The following NSD2 variants were observed in gnomAD, a reference collection of about 807,000 sequenced individuals.
NSD2 encodes the protein nuclear receptor binding SET domain protein 2.
NSD2 carries 12 observed loss-of-function variants against 139.0 expected under a neutral mutation model. The observed-to-expected ratio is 0.09, with a 90% CI of 0.06 to 0.14. NSD2 has a LOEUF of 0.14. Ranked by LOEUF, NSD2 falls within the 10% of genes least tolerant of loss-of-function variation. NSD2 has a pLI of 1.00. For synonymous variants in NSD2, 669 were observed against 648.7 expected (o/e 1.03, Z -0.48); for missense variants, 1,155 against 1,745.0 (o/e 0.66, Z 6.02).
chr4:1,888,466 C>T (rs1715285592), intron 1 of NSD2, among the ~76,000 whole-genome samples: 1 of 147,260 alleles, frequency 6.8e-6, no homozygotes. Context: ...ATCATCTGTG[C>T]ATATCCTCAG....
chr4:1,970,843 G>A (rs967984395), intron 18 of NSD2, among the ~76,000 whole-genome samples: 19 of 152,278 alleles, frequency 1.2e-4, no homozygotes, highest in South Asian at 1.2e-3. Context: ...AGGACAGGAC[G>A]GAGTCCCCAA....
In NSD2 at chr4:1,871,442, C is replaced by T. The variant is rs1713748287; in HGVS notation, c.-130C>T. On this transcript the variant is annotated 5_prime_UTR_variant, in exon 1 of 22. Coordinates refer to ENST00000508803, the MANE Select transcript of NSD2 (RefSeq NM_001042424.3). Reference sequence around the variant, plus strand: ...CTGGCCGCGCTGCGCCCGCCGCCGCCGCCGCCCCCTCCCCGCCTGGGCCCT... The same window carrying T: ...CTGGCCGCGCTGCGCCCGCCGCCGCTGCCGCCCCCTCCCCGCCTGGGCCCT... 2 of 147,530 alleles carry T rather than the reference C, an allele frequency of 1.4e-5. No individual in the cohort carries two copies. Among genetic ancestry groups the T allele is most frequent in the South Asian group, 3.6e-4 (2 of 5,528 alleles). 9.1% of individuals were successfully genotyped at this position (147,530 alleles called of 1,614,324 possible). A position where few individuals can be genotyped will look rare whatever the true frequency, so the allele number is the denominator to read the frequency against.
At position 1,956,544 on chromosome 4, in the gene NSD2, G is replaced by T. The variant is rs549234767; in HGVS notation, c.2881+356G>T. On this transcript the variant is annotated intron_variant, in intron 15 of 21. Coordinates refer to ENST00000508803, the MANE Select transcript of NSD2 (RefSeq NM_001042424.3). The surrounding 1 kb of genome is among the most constrained non-coding windows in gnomAD (Gnocchi z 5.3). ...GACCTTGTGCAGCAGGCTCTTGGGGGCTCGCTTTACCTTTCAGTGCATGAG... is the reference window on the plus strand; with the variant it reads ...GACCTTGTGCAGCAGGCTCTTGGGGTCTCGCTTTACCTTTCAGTGCATGAG... Among the ~76,000 whole-genome samples, 4 of 152,190 alleles carry T rather than the reference G, an allele frequency of 2.6e-5. No individual in the cohort carries two copies. Among genetic ancestry groups the T allele is most frequent in the Non-Finnish European group, 1.5e-5 (1 of 68,030 alleles).
intron 10 of NSD2, 111 bp downstream of exon 10, chr4:1,951,314 C>A (rs904941999): frequency 2.4e-4 from 331 of 1,397,912 alleles, no homozygotes; most frequent in Non-Finnish European, 3.0e-4. Flanking sequence ...CTTCCCCAAT[C>A]TCACCGTCAC....
intron 6 of NSD2, among the ~76,000 whole-genome samples, chr4:1,931,232 G>A (rs116160053): frequency 0.029 from 4,470 of 152,272 alleles, 105 homozygotes; most frequent in Non-Finnish European, 0.042. Context: ...ACAGGGGTCC[G>A]GAGTGTGGGC....
intron 18 of NSD2, among the ~76,000 whole-genome samples, chr4:1,962,664 C>T (rs1577554896): frequency 1.3e-5 from 2 of 151,888 alleles, no homozygotes; most frequent in African/African-American, 4.8e-5. Flanking sequence ...TTTTTTTACT[C>T]CTAGGTTTTG....
intron 5 of NSD2, among the ~76,000 whole-genome samples, chr4:1,927,312 G>C (rs970334966): frequency 6.6e-6 from 1 of 152,166 alleles, no homozygotes; most frequent in African/African-American, 2.4e-5. Context: ...AAGCAGTAGT[G>C]GGGGCTTGAG....
chr4:1,880,394 A>G (rs888341823), intron 1 of NSD2, among the ~76,000 whole-genome samples: 1 of 152,126 alleles, frequency 6.6e-6, no homozygotes, highest in African/African-American at 2.4e-5. Context: ...AGCAGTCTAT[A>G]TGTGCATGGA....
chr4:1,964,208 A>G (rs1205370106), intron 18 of NSD2, among the ~76,000 whole-genome samples: 1 of 152,178 alleles, frequency 6.6e-6, no homozygotes, highest in Non-Finnish European at 1.5e-5. Context: ...CAAGAAAAGA[A>G]TGAGATATGG....
rs778184509 is a variant in NSD2 at position 1,900,959 on chromosome 4, C to G, written c.305C>G (p.Ser102Cys). 6.2e-7 allele frequency: 1 copy of G among 1,614,146 alleles called. No homozygotes were observed. Among genetic ancestry groups the G allele is most frequent in the Non-Finnish European group, 8.5e-7 (1 of 1,180,028 alleles). The change falls in exon 2 of 22, where the codon TCC becomes TGC. Residue 102 changes from serine (S) to cysteine (C), a missense_variant. Around this residue, in one of 8 missense-constraint regions of NSD2, gnomAD observed 246 missense variants for 262.8 expected, o/e 0.94. Coordinates refer to ENST00000508803, the MANE Select transcript of NSD2 (RefSeq NM_001042424.3). Reference sequence around the variant, plus strand: ...CACGATGCCAAACTGCGTTTTGAGTCCCAGGAAATGAAAGGGATTGGGACA... The same window carrying G: ...CACGATGCCAAACTGCGTTTTGAGTGCCAGGAAATGAAAGGGATTGGGACA... ...GAHDAKLRFE[S>C]QEMKGIGTPP... is the part of the protein sequence containing the mutation.
Position 1,958,064 on chromosome 4 carries a change from T to G in NSD2, c.2985+28T>G. The stretch of plus-strand genomic sequence containing the variant: ...GGCGTGTGGGAGCTGCGTGCACGCG[T>G]GTGGAGGGAGTCTTCCCCGAGGGCC... On this transcript the variant is annotated intron_variant, in intron 16 of 21. Transcript: ENST00000508803. This position sits in a 1 kb window ranked among gnomAD's most constrained non-coding sequence, Gnocchi z 4.6. The G allele has an allele frequency of 6.2e-7, 1 of 1,602,626 alleles. No homozygotes were observed. Among genetic ancestry groups the G allele is most frequent in the Non-Finnish European group, 8.5e-7 (1 of 1,172,344 alleles).
intron 3 of NSD2, among the ~76,000 whole-genome samples, chr4:1,915,214 C>A (rs1719222884): frequency 7.0e-6 from 1 of 143,438 alleles, no homozygotes; most frequent in Non-Finnish European, 1.5e-5. Context: ...CTCCTGGGTT[C>A]ACACCATTCT....
intron 1 of NSD2, among the ~76,000 whole-genome samples, chr4:1,882,473 C>T (rs915595750): frequency 6.6e-6 from 1 of 152,124 alleles, no homozygotes; most frequent in Non-Finnish European, 1.5e-5. Flanking sequence ...ACCATCCTGG[C>T]TAACACGGTG....
At chr4:1,921,781 CAA>C (rs748895885) in intron 5 of NSD2, among the ~76,000 whole-genome samples, 41 of 64,942 alleles carry the variant, frequency 6.3e-4, no homozygotes, top group African/African-American at 1.1e-3. Flanking sequence ...GACTCTGTCT[CAA>C]AAAAAAAAAA....
intron 3 of NSD2, among the ~76,000 whole-genome samples, chr4:1,907,615 CTTTT>C (rs765535552): frequency 4.1e-4 from 38 of 93,652 alleles, no homozygotes; most frequent in African/African-American, 1.3e-3. Flanking sequence ...TGTTGAATCT[CTTTT>C]TTTTTTTTTT....
intron 3 of NSD2, among the ~76,000 whole-genome samples, chr4:1,906,828 T>C (rs964459260): frequency 6.6e-6 from 1 of 151,876 alleles, no homozygotes; most frequent in Non-Finnish European, 1.5e-5. Flanking sequence ...GCCTGGCTAA[T>C]TTTTGTATTT....
chr4:1,906,112 T>TC (rs1644205473), intron 3 of NSD2, among the ~76,000 whole-genome samples: 1 of 152,214 alleles, frequency 6.6e-6, no homozygotes. Flanking sequence ...CTTACTGATT[T>TC]CCTTTTTAGT....
intron 2 of NSD2, among the ~76,000 whole-genome samples, chr4:1,903,655 A>T (rs1369038003): frequency 1.3e-5 from 2 of 152,110 alleles, no homozygotes; most frequent in Non-Finnish European, 2.9e-5. Flanking sequence ...ATAGATTTAT[A>T]TAGAGATCTT....
chr4:1,883,493 G>T (rs1379865341), intron 1 of NSD2, among the ~76,000 whole-genome samples: 1 of 152,092 alleles, frequency 6.6e-6, no homozygotes, highest in Non-Finnish European at 1.5e-5. Context: ...ATAGCTGGGC[G>T]TGGTGGCGCA....
Sources: gnomAD v4.1 joint callset for allele counts (sites outside exome capture counted in the v4.1 genomes callset) on GRCh38, gnomAD v4.1.1 for gene constraint, gnomAD v4.1.1 regional missense constraint, Gnocchi (gnomAD v3.1) non-coding constraint, MANE v1.5 for transcripts, NCBI Gene and HGNC (gene_info 2026-07-23, HGNC 2026-07-21) for gene names.